PDE4D: variants seen among roughly 807,000 people sequenced by gnomAD.
The protein encoded by PDE4D is 3',5'-cyclic-AMP phosphodiesterase 4D.
A neutral mutation model predicts 87.4 loss-of-function variants in PDE4D; 24 were observed. That is an observed-to-expected ratio of 0.27 (90% CI 0.20 to 0.39). The LOEUF (loss-of-function observed/expected upper bound fraction) is 0.39. Ranked by LOEUF, PDE4D falls within the 10% of genes least tolerant of loss-of-function variation. The pLI, the probability that PDE4D is intolerant of heterozygous loss-of-function variation, is 1.00. For synonymous variants in PDE4D, 384 were observed against 383.2 expected (o/e 1.00, Z -0.02); for missense variants, 714 against 1,041.0 (o/e 0.69, Z 4.32).
chr5:59,127,186 G>A (rs1332758670), intron 5 of PDE4D, among the ~76,000 whole-genome samples: 1 of 152,192 alleles, frequency 6.6e-6, no homozygotes, highest in Non-Finnish European at 1.5e-5. Flanking sequence ...ACAGTAATGT[G>A]CGTGTGTGAG....
chr5:59,031,218 CCTACTT>C (rs1194348587), intron 6 of PDE4D, among the ~76,000 whole-genome samples: 1 of 151,812 alleles, frequency 6.6e-6, no homozygotes, highest in East Asian at 1.9e-4. Flanking sequence ...ATCCAACAAT[CCTACTT>C]CTAGGTATAC....
intron 1 of PDE4D, among the ~76,000 whole-genome samples, chr5:59,221,507 C>A (rs1752559390): frequency 6.6e-6 from 1 of 152,092 alleles, no homozygotes; most frequent in African/African-American, 2.4e-5. Flanking sequence ...TGGTGCTTAT[C>A]TGTAGTCCCA....
intron 1 of PDE4D, among the ~76,000 whole-genome samples, chr5:60,453,952 T>C (rs978683535): frequency 6.6e-6 from 1 of 152,196 alleles, no homozygotes; most frequent in Admixed American, 6.6e-5. Context: ...TGATGGCTTA[T>C]TTATTATTTT....
rs1781499480 is a variant in PDE4D, at chr5:59,357,067, A to G, written c.456-141099T>C. On this transcript the variant is annotated intron_variant, in intron 1 of 14. Transcript: ENST00000340635. The stretch of plus-strand genomic sequence containing the variant: ...TGCTGCATGACACTTGGCCTTTGCG[A>G]CAGAGTTTGCTTCACTCAGGCCTTA... The G allele has an allele frequency of 1.3e-5, 6 of 451,682 alleles. 1 individual carries two copies. In the South Asian group the frequency reaches 2.8e-4, roughly 21 times the overall value. 28.0% of individuals were successfully genotyped at this position (451,682 alleles called of 1,614,324 possible).
intron 1 of PDE4D, among the ~76,000 whole-genome samples, chr5:59,875,951 G>A (rs1009050802): frequency 2.6e-5 from 4 of 152,122 alleles, no homozygotes; most frequent in African/African-American, 9.7e-5. Flanking sequence ...ACACACTGGG[G>A]CCTATTGGAG....
chr5:59,017,040 G>C (rs1754144442), intron 6 of PDE4D, among the ~76,000 whole-genome samples: 2 of 152,126 alleles, frequency 1.3e-5, no homozygotes, highest in African/African-American at 4.8e-5. Flanking sequence ...CGAATGCCTA[G>C]AATAAGCCAA....
chr5:60,395,810 C>G (rs1332230240), intron 1 of PDE4D, among the ~76,000 whole-genome samples: 3 of 151,964 alleles, frequency 2.0e-5, no homozygotes, highest in South Asian at 2.1e-4. Context: ...CCTCCCTCCC[C>G]GCTCTGCATC....
At chr5:59,493,509 A>G (rs548222307) in intron 1 of PDE4D, among the ~76,000 whole-genome samples, 1 of 152,364 alleles carries the variant, frequency 6.6e-6, no homozygotes, top group Non-Finnish European at 1.5e-5. Context: ...GTTAAAGCAC[A>G]GTAAGTTCTC....
intron 2 of PDE4D, among the ~76,000 whole-genome samples, chr5:60,167,272 T>C (rs1326369706): frequency 7.6e-6 from 1 of 132,052 alleles, no homozygotes. Flanking sequence ...TTTTCTTTTT[T>C]TTTTTTTTTT....
At chr5:60,075,167 T>C (rs971631015) in intron 2 of PDE4D, among the ~76,000 whole-genome samples, 1 of 152,184 alleles carries the variant, frequency 6.6e-6, no homozygotes, top group Non-Finnish European at 1.5e-5. Flanking sequence ...CCTTTTCATA[T>C]TTAGTGCTTC....
At chr5:60,102,286 T>C (rs1485472047) in intron 2 of PDE4D, among the ~76,000 whole-genome samples, 1 of 152,082 alleles carries the variant, frequency 6.6e-6, no homozygotes, top group African/African-American at 2.4e-5. Context: ...TTCAATACAG[T>C]GGGTACATGT....
At chr5:60,256,312 A>G (rs1749042816) in intron 1 of PDE4D, among the ~76,000 whole-genome samples, 1 of 151,972 alleles carries the variant, frequency 6.6e-6, no homozygotes, top group Non-Finnish European at 1.5e-5. Context: ...ATTTTTAAGC[A>G]TGGCCTCATC....
intron 1 of PDE4D, among the ~76,000 whole-genome samples, chr5:59,413,651 A>G (rs568603647): frequency 6.6e-6 from 1 of 152,288 alleles, no homozygotes; most frequent in South Asian, 2.1e-4. Context: ...ATCTAGGCAG[A>G]TAATCTCACA....
chr5:60,337,926 A>T (rs773350808), intron 1 of PDE4D, among the ~76,000 whole-genome samples: 24 of 151,110 alleles, frequency 1.6e-4, no homozygotes, highest in African/African-American at 3.4e-4. Flanking sequence ...AAATAATAAT[A>T]AAAAAAAAGA....
At chr5:60,508,329 T>A (rs1428587640) in intron 1 of PDE4D, among the ~76,000 whole-genome samples, 9 of 152,204 alleles carry the variant, frequency 5.9e-5, no homozygotes, top group Admixed American at 5.9e-4. Flanking sequence ...AATTGAGAAT[T>A]CCTTGGGAGC....
At chr5:59,058,519 G>A (rs1762669749) in intron 5 of PDE4D, among the ~76,000 whole-genome samples, 1 of 152,142 alleles carries the variant, frequency 6.6e-6, no homozygotes. Flanking sequence ...TTATACCAGT[G>A]TAATTATGAA....
chr5:59,536,758 C>A (rs928079256), intron 1 of PDE4D, among the ~76,000 whole-genome samples: 9 of 151,954 alleles, frequency 5.9e-5, no homozygotes, highest in African/African-American at 2.2e-4. Context: ...GTATTGTGTA[C>A]CTATTACACT....
chr5:59,805,615 G>A (rs1186042393), intron 1 of PDE4D, among the ~76,000 whole-genome samples: 3 of 152,228 alleles, frequency 2.0e-5, no homozygotes, highest in African/African-American at 7.2e-5. Context: ...TTAAAGATGT[G>A]TTGGATGTTG....
At chr5:59,397,111 A>G (rs1353158060) in intron 1 of PDE4D, among the ~76,000 whole-genome samples, 1 of 126,548 alleles carries the variant, frequency 7.9e-6, no homozygotes, top group African/African-American at 3.1e-5. Flanking sequence ...AGAGACTTAG[A>G]CTTCCACACA....
Sources: gnomAD v4.1 joint callset for allele counts (sites outside exome capture counted in the v4.1 genomes callset) on GRCh38, gnomAD v4.1.1 for gene constraint, MANE v1.5 for transcripts, NCBI Gene and HGNC (gene_info 2026-07-23, HGNC 2026-07-21) for gene names.